Variants in TCF4 observed in about 807,000 individuals in gnomAD.
The protein encoded by TCF4 is SL3-3 enhancer factor 2.
TCF4 carries 3 observed loss-of-function variants against 82.1 expected under a neutral mutation model. The observed-to-expected ratio is 0.04, with a 90% confidence interval of 0.02 to 0.09. TCF4 has a LOEUF of 0.09. Ranked by LOEUF, TCF4 falls within the 10% of genes least tolerant of loss-of-function variation. The pLI, the probability that TCF4 is intolerant of heterozygous loss-of-function variation, is 1.00. For synonymous variants in TCF4, 276 were observed against 309.6 expected, an observed-to-expected ratio of 0.89 and a Z score of 1.14; for missense variants, 518 against 852.7, an observed-to-expected ratio of 0.61 and a Z score of 4.89.
chr18:55,560,733 T>C (rs889086895), intron 3 of TCF4, among the ~76,000 whole-genome samples: 1 of 152,138 alleles, frequency 6.6e-6, no homozygotes, highest in African/African-American at 2.4e-5. Flanking sequence ...TTCACATAAG[T>C]GCATCCAGAG....
At chr18:55,230,780 C>T (rs541156314) in intron 17 of TCF4, 1 of 152,292 alleles carries the variant, frequency 6.6e-6, no homozygotes, top group East Asian at 1.9e-4. Flanking sequence ...TGGGTAACTT[C>T]CAAGTGGCAA....
At chr18:55,332,835 G>T (rs995269704) in intron 8 of TCF4, among the ~76,000 whole-genome samples, 3 of 152,176 alleles carry the variant, frequency 2.0e-5, no homozygotes, top group African/African-American at 7.2e-5. Flanking sequence ...AATATGGTAG[G>T]AATTATACTC....
chr18:55,537,235 G>C (rs1310142127), intron 3 of TCF4, among the ~76,000 whole-genome samples: 1 of 151,300 alleles, frequency 6.6e-6, no homozygotes, highest in Non-Finnish European at 1.5e-5. Flanking sequence ...CTAAAAACAA[G>C]CATTCTGATG....
intron 3 of TCF4, among the ~76,000 whole-genome samples, chr18:55,492,576 C>G (rs1447582431): frequency 6.6e-6 from 1 of 152,132 alleles, no homozygotes; most frequent in East Asian, 1.9e-4. Flanking sequence ...TAGATTTGAA[C>G]AAGACACAGA....
chr18:55,376,590 C>T (rs541984566), intron 6 of TCF4, among the ~76,000 whole-genome samples: 1 of 152,294 alleles, frequency 6.6e-6, no homozygotes, highest in South Asian at 2.1e-4. Context: ...TGCCATTTCT[C>T]AACTATCACA....
intron 6 of TCF4, among the ~76,000 whole-genome samples, chr18:55,354,003 G>A (rs528001306): frequency 5.3e-5 from 8 of 152,242 alleles, no homozygotes; most frequent in Non-Finnish European, 1.0e-4. Flanking sequence ...CCCAGTAGTA[G>A]GCTGCCCGAA....
chr18:55,404,008 T>C (rs1007962999), intron 5 of TCF4: 1 of 1,206,132 alleles, frequency 8.3e-7, no homozygotes, highest in African/African-American at 1.6e-5. Context: ...TCTCTCTCTC[T>C]CTTTTTTAAA....
At chr18:55,632,037 TTTTTG>T (rs890158367) in intron 1 of TCF4, among the ~76,000 whole-genome samples, 2 of 152,120 alleles carry the variant, frequency 1.3e-5, no homozygotes, top group Non-Finnish European at 2.9e-5. Flanking sequence ...GTTGTTGTTG[TTTTTG>T]TTTTGTTTTG....
chr18:55,393,507 T>G (rs948273245), intron 6 of TCF4, among the ~76,000 whole-genome samples: 1 of 152,210 alleles, frequency 6.6e-6, no homozygotes, highest in Non-Finnish European at 1.5e-5. Context: ...CTCAAAGAAG[T>G]TTGTAAAAAT....
chr18:55,227,952 G>C lies in TCF4; in HGVS notation c.*83C>G, dbSNP rs529979992. Reference sequence around the variant, plus strand: ...TTACAAAAATGGGGGTTAAGGAGAAGTGTTTATGTGGGTTTAAGATAATAC... The same window carrying C: ...TTACAAAAATGGGGGTTAAGGAGAACTGTTTATGTGGGTTTAAGATAATAC... On this transcript the variant is annotated 3_prime_UTR_variant, in exon 20 of 20. Transcript: ENST00000354452. The C allele has an allele frequency of 3.1e-5, 13 of 414,082 alleles. No homozygotes were observed. Among genetic ancestry groups the C allele is most frequent in the Non-Finnish European group, 5.8e-5 (13 of 225,276 alleles). 25.7% of individuals were successfully genotyped at this position (414,082 alleles called of 1,614,324 possible).
At chr18:55,545,761 T>C (rs1320062993) in intron 3 of TCF4, among the ~76,000 whole-genome samples, 1 of 152,172 alleles carries the variant, frequency 6.6e-6, no homozygotes, top group Non-Finnish European at 1.5e-5. Flanking sequence ...CATTCACTTT[T>C]TTATTCACCC....
At chr18:55,592,459 G>A (rs1034422075), upstream of TCF4, among the ~76,000 whole-genome samples, 3 of 152,082 alleles carry the variant, frequency 2.0e-5, no homozygotes, top group Non-Finnish European at 4.4e-5. Context: ...CTTCTTATGA[G>A]AACACTAATG....
chr18:55,542,652 T>C (rs2097173967), intron 3 of TCF4, among the ~76,000 whole-genome samples: 1 of 152,082 alleles, frequency 6.6e-6, no homozygotes, highest in East Asian at 1.9e-4. Context: ...GATAGAACAA[T>C]AGCCAACACA....
intron 5 of TCF4, among the ~76,000 whole-genome samples, chr18:55,419,267 C>T (rs1603454019): frequency 6.6e-6 from 1 of 152,116 alleles, no homozygotes; most frequent in East Asian, 1.9e-4. Flanking sequence ...CAAATCATTA[C>T]CACTGGAAGA....
chr18:55,629,021 T>G (rs1248109840), intron 2 of TCF4, among the ~76,000 whole-genome samples: 1 of 152,210 alleles, frequency 6.6e-6, no homozygotes, highest in Non-Finnish European at 1.5e-5. Context: ...AATAATTTCA[T>G]AAATGCACAA....
intron 6 of TCF4, among the ~76,000 whole-genome samples, chr18:55,389,284 G>T (rs2092875758): frequency 6.6e-6 from 1 of 152,136 alleles, no homozygotes; most frequent in Non-Finnish European, 1.5e-5. Context: ...CATCCATCCT[G>T]TGACTCTGGA....
At chr18:55,373,849 T>C (rs1374552547) in intron 6 of TCF4, among the ~76,000 whole-genome samples, 1 of 151,752 alleles carries the variant, frequency 6.6e-6, no homozygotes, top group Non-Finnish European at 1.5e-5. Flanking sequence ...AGGGAAATAG[T>C]ATTCATTATT....
chr18:55,505,532 C>A (rs919561367), intron 3 of TCF4, among the ~76,000 whole-genome samples: 1 of 151,972 alleles, frequency 6.6e-6, no homozygotes, highest in African/African-American at 2.4e-5. Flanking sequence ...GGGCCGGGCG[C>A]GGTGGCTCAC....
chr18:55,285,803 G>A (rs999404637), intron 8 of TCF4, among the ~76,000 whole-genome samples: 2 of 152,200 alleles, frequency 1.3e-5, no homozygotes, highest in African/African-American at 2.4e-5. Flanking sequence ...GGCTGGGAAA[G>A]CAGGAACTCT....
Sources: allele counts gnomAD v4.1 joint callset (sites outside exome capture counted in the v4.1 genomes callset), GRCh38; gene constraint gnomAD v4.1.1; transcripts MANE v1.5; gene names NCBI Gene and HGNC (gene_info 2026-07-23, HGNC 2026-07-21).